The following TRIM65 variants were observed in gnomAD, a reference collection of about 807,000 sequenced individuals.
TRIM65 encodes the protein E3 ubiquitin-protein ligase TRIM65.
TRIM65 carries 46 observed loss-of-function variants against 36.1 expected under a neutral mutation model. That is an observed-to-expected ratio of 1.27 (90% CI 1.01 to 1.63). The LOEUF is 1.63. Among genes scored for constraint, TRIM65 ranks in the 40% most tolerant of loss-of-function variants. The pLI, the probability that TRIM65 is intolerant of heterozygous loss-of-function variation, is 0.00. For synonymous variants in TRIM65, 346 were observed against 313.6 expected, an observed-to-expected ratio of 1.10 and a Z score of -1.09; for missense variants, 708 against 696.6, an observed-to-expected ratio of 1.02 and a Z score of -0.18.
Position 75,891,292 on chromosome 17 carries a change from C to T in TRIM65, c.1041G>A (p.Ser347=), listed in dbSNP as rs199846701. 3.9e-5 allele frequency: 63 copies of T among 1,613,160 alleles called. 1 individual carries two copies. The highest frequency in any genetic ancestry group is 8.8e-5 in the South Asian group (8 of 91,076). Residue 347 remains serine, a synonymous_variant, in exon 6 of 6, where the codon TCG becomes TCA. Coordinates refer to ENST00000269383, the MANE Select transcript of TRIM65 (RefSeq NM_173547.4). ...AGTGCTTCACCTGCTGGTCCTGGCG[C>T]GACAGATAGAAGTGACGGTTGGCGC... ...PVSANRHFYL[S]RQDQQVKHCR...
At chr17:75,893,570 C>A (rs1295934736) in intron 1 of TRIM65, among the ~76,000 whole-genome samples, 2 of 152,164 alleles carry the variant, frequency 1.3e-5, no homozygotes, top group East Asian at 3.9e-4. Context: ...AGCTTCACCA[C>A]CTTGTTTCTG....
downstream of TRIM65, among the ~76,000 whole-genome samples, chr17:75,884,196 G>A (rs981727411): frequency 8.6e-5 from 13 of 152,018 alleles, no homozygotes; most frequent in African/African-American, 2.9e-4. Context: ...GGTGGCTCGC[G>A]CCTGTAATCC....
rs200014099 is a variant in TRIM65, at chr17:75,892,845, C to T, written c.420G>A (p.Gln140=). 3.1e-6 allele frequency: 5 copies of T among 1,601,938 alleles called. No homozygotes were observed. Among genetic ancestry groups the T allele is most frequent in the Non-Finnish European group, 4.2e-6 (5 of 1,179,872 alleles). ...LDAERLKREA[Q]LRASLEVTQQ... Reference sequence around the variant, plus strand: ...GGGTAACCTCCAGGCTGGCTCTCAGCTGGGCCTGTGGTGCGGGCCCACGGG... The same window carrying T: ...GGGTAACCTCCAGGCTGGCTCTCAGTTGGGCCTGTGGTGCGGGCCCACGGG... The change falls in exon 2 of 6, where the codon CAG becomes CAA. Residue 140 remains glutamine (Q), a synonymous_variant. Transcript: ENST00000269383.
At position 75,896,614 on chromosome 17, in the gene TRIM65, G is replaced by T; in HGVS notation, c.324C>A (p.Thr108=). 7.9e-7 allele frequency: 1 copy of T among 1,258,792 alleles called. No individual in the cohort carries two copies. The highest frequency in any genetic ancestry group is 9.9e-7 in the Non-Finnish European group (1 of 1,005,544). The allele number at this position is 1,258,792 out of a possible 1,614,324, so 78.0% of individuals were successfully genotyped here. The change falls in exon 1 of 6, where the codon ACC becomes ACA. Residue 108 remains threonine (T), a synonymous_variant. Transcript: ENST00000269383. ...ACACGCTGCACACACAGCGGCCCTC[G>T]GTCCGGCAGAAGAGCTCCAGCGGCC... The part of the protein sequence containing the change: ...HGRPLELFCR[T]EGRCVCSVCT...
rs760504825 is a variant in TRIM65 at position 75,890,768 on chromosome 17, C to CCATG, written c.*7_*10dup. The CCATG allele has an allele frequency of 4.1e-6, 6 of 1,457,302 alleles. No homozygotes were observed. The Admixed American group carries it at 1.7e-4, about 42-fold the overall frequency. 90.3% of individuals were successfully genotyped at this position (1,457,302 alleles called of 1,614,324 possible). On this transcript the variant is annotated 3_prime_UTR_variant, in exon 6 of 6. Transcript: ENST00000269383. ...GTGGCAGCTATGCCAGGGCTCCATC[C>CCATG]CATGCCTTCTTCAGCTGAGCACCTC... is the stretch of plus-strand genomic sequence containing the variant.
chr17:75,883,717 G>C (rs1006924863), intron 4 of TRIM65, among the ~76,000 whole-genome samples: 2 of 151,578 alleles, frequency 1.3e-5, no homozygotes, highest in South Asian at 2.1e-4. Flanking sequence ...TTAGTGGAGA[G>C]GGGGTTTCAC....
chr17:75,880,588 G>T (rs904405098), exon 5 of TRIM65: 2 of 150,636 alleles, frequency 1.3e-5, no homozygotes, highest in East Asian at 3.8e-4. Flanking sequence ...GGTCCTGGGG[G>T]TTAGGATCCG....
chr17:75,893,083 C>T lies in TRIM65; in HGVS notation c.415-233G>A, dbSNP rs376679577. On this transcript the variant is annotated intron_variant, in intron 1 of 5. Transcript: ENST00000269383. Reference sequence around the variant, plus strand: ...GCAGCAGGGTGGTGCCTGAGCAGAGCGGAAGCCTTGGGCTCAGGACCCAAC... The same window carrying T: ...GCAGCAGGGTGGTGCCTGAGCAGAGTGGAAGCCTTGGGCTCAGGACCCAAC... Among the ~76,000 whole-genome samples, 7 of 152,246 alleles carry T rather than the reference C, an allele frequency of 4.6e-5. No homozygotes were observed. The South Asian group carries it at 6.2e-4, about 13-fold the overall frequency.
intron 4 of TRIM65, among the ~76,000 whole-genome samples, chr17:75,883,675 C>A (rs902396095): frequency 6.6e-6 from 1 of 151,608 alleles, no homozygotes; most frequent in African/African-American, 2.4e-5. Flanking sequence ...CTACAGGTGC[C>A]TGCCACCACG....
chr17:75,888,164 T>TAA (rs569951115), downstream of TRIM65, among the ~76,000 whole-genome samples: 1,212 of 137,058 alleles, frequency 8.8e-3, 17 homozygotes, highest in African/African-American at 0.031. Flanking sequence ...TCAAAAAATA[T>TAA]ATAAATAAAT....
downstream of TRIM65, among the ~76,000 whole-genome samples, chr17:75,884,549 T>C (rs2065192676): frequency 6.6e-6 from 1 of 152,202 alleles, no homozygotes; most frequent in Non-Finnish European, 1.5e-5. Flanking sequence ...CAATCTCAAG[T>C]CTTGTAATGA....
At chr17:75,885,648 C>T (rs2065201551), downstream of TRIM65, among the ~76,000 whole-genome samples, 1 of 152,130 alleles carries the variant, frequency 6.6e-6, no homozygotes, top group Non-Finnish European at 1.5e-5. Flanking sequence ...TTTCCCTTCA[C>T]TGATTTACTT....
downstream of TRIM65, among the ~76,000 whole-genome samples, chr17:75,888,223 T>G (rs1360238916): frequency 6.7e-6 from 1 of 148,236 alleles, no homozygotes; most frequent in African/African-American, 2.5e-5. Flanking sequence ...TGTGGTGGTG[T>G]GCGCTTATAA....
At chr17:75,881,682 A>C (rs909518750) in intron 4 of TRIM65, among the ~76,000 whole-genome samples, 2 of 150,594 alleles carry the variant, frequency 1.3e-5, no homozygotes, top group African/African-American at 5.0e-5. Context: ...AGACTGTTGC[A>C]ACTCCAAGTG....
chr17:75,896,374 C>T, intron 1 of TRIM65, 150 bp downstream of exon 1: 2 of 1,176,316 alleles, frequency 1.7e-6, no homozygotes, highest in Non-Finnish European at 2.1e-6. Flanking sequence ...CTTTTATAAT[C>T]AGCTCCCAGG....
chr17:75,881,209 C>G (rs1161254078), intron 4 of TRIM65, among the ~76,000 whole-genome samples: 2 of 135,458 alleles, frequency 1.5e-5, no homozygotes, highest in Non-Finnish European at 3.1e-5. Flanking sequence ...ACTCTCCAGC[C>G]TCGGTGACAC....
At position 75,890,999 on chromosome 17, in the gene TRIM65, C is replaced by T. The variant is rs2065256536; in HGVS notation, c.1334G>A (p.Gly445Glu). 1.9e-6 allele frequency: 3 copies of T among 1,592,014 alleles called. No homozygotes were observed. The highest frequency in any genetic ancestry group is 1.7e-4 in the Middle Eastern group (1 of 5,864). ...WHNGEAQRLP[G>E]VSGRLLGMDL... ...CATGCCCAGGAGCCGCCCTGACACC[C>T]CTGGGAGGCGCTGGGCTTCCCCGTT... Residue 445 changes from glycine (G) to glutamate (E), a missense_variant, in exon 6 of 6, where the codon GGG becomes GAG. Gly to Glu is a moderately conservative substitution (Grantham distance 98). Transcript: ENST00000269383.
In TRIM65 at chr17:75,892,770, T is replaced by C; in HGVS notation, c.495A>G (p.Gln165=). Residue 165 remains glutamine (Q), a synonymous_variant, in exon 2 of 6, where the codon CAA becomes CAG. Transcript: ENST00000269383. The part of the protein sequence containing the change: ...AEGQLLELRK[Q]SSQIQNSACI... The stretch of plus-strand genomic sequence containing the variant: ...GGCCTCGTACCTGGATCTGGCTGCT[T>C]TGCTTGCGCAGCTCTAGTAGCTGGC... 6.2e-7 allele frequency: 1 copy of C among 1,604,288 alleles called. No individual in the cohort carries two copies. Among genetic ancestry groups the C allele is most frequent in the South Asian group, 1.1e-5 (1 of 91,032 alleles).
At chr17:75,888,224 G>A (rs983845672), downstream of TRIM65, among the ~76,000 whole-genome samples, 4 of 150,872 alleles carry the variant, frequency 2.7e-5, no homozygotes, top group African/African-American at 9.7e-5. Flanking sequence ...GTGGTGGTGT[G>A]CGCTTATAAT....
Sources: allele counts gnomAD v4.1 joint callset (sites outside exome capture counted in the v4.1 genomes callset), GRCh38; gene constraint gnomAD v4.1.1; transcripts MANE v1.5; gene names NCBI Gene and HGNC (gene_info 2026-07-23, HGNC 2026-07-21).